Variants in MAP2 observed in about 807,000 individuals in gnomAD.
MAP2 encodes microtubule-associated protein 2.
In MAP2, 14 loss-of-function variants were observed where a neutral mutation model predicts 137.6. The observed-to-expected ratio is 0.10, with a 90% CI of 0.07 to 0.16. MAP2 has a LOEUF of 0.16. MAP2 is among the 10% of genes least tolerant of loss of function. MAP2 has a pLI of 1.00. For missense variants in MAP2, 2,088 were observed against 2,191.5 expected, an observed-to-expected ratio of 0.95 and a Z score of 0.94; for synonymous variants, 786 against 782.3, an observed-to-expected ratio of 1.00 and a Z score of -0.08.
At chr2:209,505,742 T>A (rs2060961013) in intron 1 of MAP2, among the ~76,000 whole-genome samples, 1 of 151,250 alleles carries the variant, frequency 6.6e-6, no homozygotes, top group Non-Finnish European at 1.5e-5. Context: ...GAGGCCAAGG[T>A]GGGTGGATTG....
intron 2 of MAP2, among the ~76,000 whole-genome samples, chr2:209,570,154 A>G (rs1490472436): frequency 6.6e-6 from 1 of 151,906 alleles, no homozygotes; most frequent in African/African-American, 2.4e-5. Flanking sequence ...GCCTACTTAC[A>G]TAACAAGTAG....
chr2:209,572,104 T>G (rs760577293), intron 2 of MAP2, among the ~76,000 whole-genome samples: 1 of 152,022 alleles, frequency 6.6e-6, no homozygotes, highest in Non-Finnish European at 1.5e-5. Context: ...AAAAAAATCA[T>G]CATACTAAGA....
At chr2:209,494,451 G>T (rs1178778350) in intron 1 of MAP2, among the ~76,000 whole-genome samples, 4 of 143,708 alleles carry the variant, frequency 2.8e-5, no homozygotes, top group Non-Finnish European at 6.2e-5. Flanking sequence ...AAAAAAGCCA[G>T]CTAAATCCCA....
chr2:209,436,024 A>AT lies in MAP2; in HGVS notation c.-222+11748_-222+11749insT, dbSNP rs1187754273. Among the ~76,000 whole-genome samples, 6 of 123,072 alleles carry AT rather than the reference A, an allele frequency of 4.9e-5. 1 individual carries two copies. The highest frequency in any genetic ancestry group is 2.7e-4 in the South Asian group (1 of 3,756). 80.7% of individuals were successfully genotyped at this position (123,072 alleles called of 152,430 possible). ...ATATATACAGTATATATTATATATA[A>AT]AATATATATATATGTACTGGCCTTG... On this transcript the variant is annotated intron_variant, in intron 1 of 15. Coordinates refer to ENST00000682079, the MANE Select transcript of MAP2 (RefSeq NM_001375505.1).
chr2:209,583,639 T>C (rs1213884669), intron 3 of MAP2, among the ~76,000 whole-genome samples: 1 of 152,002 alleles, frequency 6.6e-6, no homozygotes, highest in African/African-American at 2.4e-5. Context: ...ATTACACAAA[T>C]ATGTATTAAG....
chr2:209,612,293 G>T (rs2087224875), intron 3 of MAP2, among the ~76,000 whole-genome samples: 1 of 152,078 alleles, frequency 6.6e-6, no homozygotes. Context: ...CTAGTTATTT[G>T]TTTATTTCTA....
intron 3 of MAP2, among the ~76,000 whole-genome samples, chr2:209,582,328 T>C (rs996411855): frequency 6.6e-6 from 1 of 152,090 alleles, no homozygotes; most frequent in African/African-American, 2.4e-5. Context: ...AAACCATGTA[T>C]AGAAATTTCT....
At chr2:209,659,765 G>C (rs1423534581) in intron 5 of MAP2, among the ~76,000 whole-genome samples, 1 of 152,042 alleles carries the variant, frequency 6.6e-6, no homozygotes, top group Non-Finnish European at 1.5e-5. Context: ...CAGACCGGGC[G>C]TGGTGGCTCA....
At chr2:209,657,905 C>A (rs1350323290) in intron 5 of MAP2, among the ~76,000 whole-genome samples, 1 of 152,152 alleles carries the variant, frequency 6.6e-6, no homozygotes, top group African/African-American at 2.4e-5. Flanking sequence ...TGAGGTCTCA[C>A]TTTTAAGTTA....
chr2:209,704,337 G>T, intron 11 of MAP2: 1 of 810,368 alleles, frequency 1.2e-6, no homozygotes, highest in East Asian at 2.8e-5. Flanking sequence ...TTTATCATGT[G>T]TTCTTATTAA....
At chr2:209,525,322 T>C (rs1308620965) in intron 2 of MAP2, among the ~76,000 whole-genome samples, 1 of 152,166 alleles carries the variant, frequency 6.6e-6, no homozygotes, top group Non-Finnish European at 1.5e-5. Flanking sequence ...AGAAATGACG[T>C]CTTCTAATTT....
rs115411576 is a variant in MAP2, at chr2:209,705,476, G to T, written c.4585-104G>T. 447 of 918,366 alleles carry T rather than the reference G, an allele frequency of 4.9e-4. 1 individual carries two copies. The African/African-American group carries it at 6.6e-3, about 14-fold the overall frequency. 56.9% of individuals were successfully genotyped at this position (918,366 alleles called of 1,614,324 possible). ...TGAAATCCAGTAGTTTGTATTAAAA[G>T]AAATTCATTTATTAGCACAGGAGGA... On this transcript the variant is annotated intron_variant, in intron 11 of 15. Transcript: ENST00000682079.
chr2:209,490,687 A>G (rs1337266929), intron 1 of MAP2, among the ~76,000 whole-genome samples: 1 of 151,242 alleles, frequency 6.6e-6, no homozygotes, highest in Admixed American at 6.6e-5. Flanking sequence ...ACCAACAAAG[A>G]TCAAAAAAGA....
intron 1 of MAP2, among the ~76,000 whole-genome samples, chr2:209,506,735 G>A (rs550633767): frequency 4.6e-5 from 7 of 152,120 alleles, no homozygotes; most frequent in Non-Finnish European, 5.9e-5. Flanking sequence ...AAGATTGATC[G>A]TTTACCACTG....
rs535550796 is a variant in MAP2 at position 209,686,746 on chromosome 2, G to A, written c.455-5879G>A. On this transcript the variant is annotated intron_variant, in intron 7 of 15. Coordinates refer to ENST00000682079, the MANE Select transcript of MAP2 (RefSeq NM_001375505.1). ...AATTTCCTAGGCAAGATACAGGAAA[G>A]AACAGAAATGAGAGTAGTTACTTTA... 5.9e-5 allele frequency among the ~76,000 whole-genome samples: 9 copies of A among 152,204 alleles called. No individual in the cohort carries two copies. The South Asian group carries it at 1.5e-3, about 25-fold the overall frequency.
intron 1 of MAP2, among the ~76,000 whole-genome samples, chr2:209,448,779 G>A (rs2149461611): frequency 6.6e-6 from 1 of 152,230 alleles, no homozygotes; most frequent in Non-Finnish European, 1.5e-5. Context: ...AGGCCCATCA[G>A]ATCCAGGGTC....
intron 7 of MAP2, among the ~76,000 whole-genome samples, chr2:209,682,663 A>G (rs1344353161): frequency 6.6e-6 from 1 of 152,116 alleles, no homozygotes; most frequent in Non-Finnish European, 1.5e-5. Flanking sequence ...AGTAGCTGAG[A>G]CCAGAAGCAT....
chr2:209,437,208 T>C (rs765274754), intron 1 of MAP2, among the ~76,000 whole-genome samples: 3 of 151,702 alleles, frequency 2.0e-5, no homozygotes, highest in Non-Finnish European at 4.4e-5. Flanking sequence ...GATTTGTTGC[T>C]TCTGAACCTT....
chr2:209,640,513 C>T (rs1012697880), intron 4 of MAP2, among the ~76,000 whole-genome samples: 5 of 149,994 alleles, frequency 3.3e-5, no homozygotes, highest in East Asian at 3.9e-4. Context: ...TGCTTGAACA[C>T]GTTCACTGAT....
Sources: gnomAD v4.1 joint callset for allele counts (sites outside exome capture counted in the v4.1 genomes callset) on GRCh38, gnomAD v4.1.1 for gene constraint, MANE v1.5 for transcripts, NCBI Gene and HGNC (gene_info 2026-07-23, HGNC 2026-07-21) for gene names.